DENND5B: variants seen among roughly 807,000 people sequenced by gnomAD.
DENND5B encodes DENN domain containing 5B.
In DENND5B, 34 loss-of-function variants were observed where a neutral mutation model predicts 140.6. That is an observed-to-expected ratio of 0.24 (90% CI 0.18 to 0.32). The LOEUF is 0.32. DENND5B is among the 10% of genes least tolerant of loss of function. The pLI is 1.00. For missense variants in DENND5B, 1,142 were observed against 1,560.2 expected (o/e 0.73, Z 4.52); for synonymous variants, 551 against 562.1 (o/e 0.98, Z 0.28).
intron 17 of DENND5B, 52 bp downstream of exon 17, chr12:31,398,123 C>T: frequency 1.4e-6 from 2 of 1,481,242 alleles, no homozygotes; most frequent in South Asian, 2.7e-5. Flanking sequence ...ATCAAATGGT[C>T]ACATGAAGCC....
At chr12:31,526,144 T>C (rs1948077797) in intron 1 of DENND5B, among the ~76,000 whole-genome samples, 2 of 152,194 alleles carry the variant, frequency 1.3e-5, no homozygotes, top group Non-Finnish European at 2.9e-5. Flanking sequence ...ATATATTACC[T>C]ATATTAGAAC....
At chr12:31,453,680 C>T (rs1445172617) in intron 4 of DENND5B, among the ~76,000 whole-genome samples, 1 of 152,148 alleles carries the variant, frequency 6.6e-6, no homozygotes, top group African/African-American at 2.4e-5. Context: ...CCCCCACCCC[C>T]AGGCACCAAG....
At chr12:31,574,217 C>T (rs1369919150) in intron 1 of DENND5B, among the ~76,000 whole-genome samples, 2 of 150,176 alleles carry the variant, frequency 1.3e-5, no homozygotes, top group Admixed American at 6.7e-5. Flanking sequence ...GAGCTGTGAT[C>T]GCGCCACTGC....
intron 1 of DENND5B, among the ~76,000 whole-genome samples, chr12:31,542,693 T>A (rs897227871): frequency 6.6e-6 from 1 of 151,972 alleles, no homozygotes; most frequent in Non-Finnish European, 1.5e-5. Flanking sequence ...CGGTGGCTCA[T>A]GCCTGTAATC....
intron 1 of DENND5B, among the ~76,000 whole-genome samples, chr12:31,527,419 T>C (rs1021861916): frequency 1.3e-5 from 2 of 152,178 alleles, no homozygotes; most frequent in Non-Finnish European, 2.9e-5. Context: ...ATGAGGGATC[T>C]GGCTTTTCCT....
rs1369877465 is a variant in DENND5B, at chr12:31,384,523, CAT to C, written c.*3078_*3079del. ...AGCAGCTCACACAAGGAGGGCCCCA[CAT>C]GTTTATAGCACAGGCTGTATCAACG... On this transcript the variant is annotated 3_prime_UTR_variant, in exon 21 of 21. Coordinates refer to ENST00000389082, the MANE Select transcript of DENND5B (RefSeq NM_144973.4). 1 of 152,216 alleles carries C rather than the reference CAT, an allele frequency of 6.6e-6. No individual in the cohort carries two copies. Among genetic ancestry groups the C allele is most frequent in the Non-Finnish European group, 1.5e-5 (1 of 68,064 alleles). 9.4% of individuals were successfully genotyped at this position (152,216 alleles called of 1,614,324 possible).
At chr12:31,546,550 G>A (rs760852331) in intron 1 of DENND5B, among the ~76,000 whole-genome samples, 1 of 152,120 alleles carries the variant, frequency 6.6e-6, no homozygotes, top group Non-Finnish European at 1.5e-5. Context: ...AGCCAGGCAT[G>A]GTGGTACGCG....
intron 1 of DENND5B, among the ~76,000 whole-genome samples, chr12:31,552,600 C>G (rs1051893818): frequency 6.6e-6 from 1 of 152,206 alleles, no homozygotes; most frequent in South Asian, 2.1e-4. Context: ...GGAGGATACC[C>G]TCTTTTTCTA....
chr12:31,486,259 T>C (rs1258956397), intron 2 of DENND5B, among the ~76,000 whole-genome samples: 1 of 152,218 alleles, frequency 6.6e-6, no homozygotes, highest in Non-Finnish European at 1.5e-5. Context: ...CTTTCTGCCA[T>C]GTGAGGATAC....
At chr12:31,485,628 G>A (rs763802354) in intron 2 of DENND5B, among the ~76,000 whole-genome samples, 8 of 152,182 alleles carry the variant, frequency 5.3e-5, no homozygotes, top group Non-Finnish European at 1.0e-4. Flanking sequence ...TTTGGCCTGG[G>A]GGCCATGTAT....
At chr12:31,576,608 C>T (rs1287329680) in intron 1 of DENND5B, among the ~76,000 whole-genome samples, 2 of 151,958 alleles carry the variant, frequency 1.3e-5, no homozygotes, top group South Asian at 2.1e-4. Context: ...TCAGGTCAGG[C>T]GTGGTGGCTC....
chr12:31,477,107 A>G (rs1025281843), intron 3 of DENND5B, among the ~76,000 whole-genome samples: 2 of 152,018 alleles, frequency 1.3e-5, no homozygotes, highest in Non-Finnish European at 2.9e-5. Context: ...GCGCACCCAT[A>G]GTCCCAGCTA....
rs1565540291 is a variant in DENND5B at position 31,398,292 on chromosome 12, A to G, written c.3139T>C (p.Leu1047=). Residue 1047 remains leucine (L), a synonymous_variant, in exon 17 of 21, where the codon TTG becomes CTG. Coordinates refer to ENST00000389082, the MANE Select transcript of DENND5B (RefSeq NM_144973.4). ...TCTTCATCTGATGCTGATGTCATCA[A>G]CTCTCCAATAAGAATTCTCTCCAGG... ...GSLERILIGE[L]MTSASDEDLV... The G allele has an allele frequency of 1.3e-6, 2 of 1,559,702 alleles. No individual in the cohort carries two copies.
At chr12:31,481,627 G>A (rs1255822373) in intron 2 of DENND5B, among the ~76,000 whole-genome samples, 1 of 152,222 alleles carries the variant, frequency 6.6e-6, no homozygotes, top group Non-Finnish European at 1.5e-5. Flanking sequence ...AAGCCCAGAA[G>A]AGTTTGAGGA....
At chr12:31,460,969 G>A (rs1176975146) in intron 3 of DENND5B, among the ~76,000 whole-genome samples, 5 of 152,024 alleles carry the variant, frequency 3.3e-5, no homozygotes, top group South Asian at 2.1e-4. Flanking sequence ...CAAGCAATCC[G>A]CCTACCTCGG....
chr12:31,587,591 A>T (rs189849151), intron 1 of DENND5B, among the ~76,000 whole-genome samples: 1 of 112,718 alleles, frequency 8.9e-6, no homozygotes. Context: ...TCTGTTGCCC[A>T]GGCTGGAGTG....
intron 1 of DENND5B, among the ~76,000 whole-genome samples, chr12:31,520,024 A>C (rs1423190923): frequency 6.6e-6 from 1 of 152,184 alleles, no homozygotes; most frequent in African/African-American, 2.4e-5. Flanking sequence ...GCCTGTGTCA[A>C]CTGGAACATG....
intron 3 of DENND5B, among the ~76,000 whole-genome samples, chr12:31,466,635 G>C (rs1189271330): frequency 6.6e-6 from 1 of 152,182 alleles, no homozygotes; most frequent in African/African-American, 2.4e-5. Flanking sequence ...GAAGGTTACA[G>C]TGAGCAGAGT....
At chr12:31,394,877 T>C (rs529879219) in intron 17 of DENND5B, among the ~76,000 whole-genome samples, 1 of 152,140 alleles carries the variant, frequency 6.6e-6, no homozygotes, top group Non-Finnish European at 1.5e-5. Flanking sequence ...CCTCCCAAAG[T>C]GCTGTATTAC....
Sources: allele counts gnomAD v4.1 joint callset (sites outside exome capture counted in the v4.1 genomes callset), GRCh38; gene constraint gnomAD v4.1.1; transcripts MANE v1.5; gene names NCBI Gene and HGNC (gene_info 2026-07-23, HGNC 2026-07-21).